The following FBLN2 variants were observed in gnomAD, a reference collection of about 807,000 sequenced individuals.
FBLN2 encodes fibulin 2, also known as fibulin-2.
Under a neutral mutation model 123.7 loss-of-function variants are expected in FBLN2, and 81 were observed. The ratio of observed to expected loss-of-function variants is 0.65; its 90% CI spans 0.55 to 0.79. The LOEUF (loss-of-function observed/expected upper bound fraction) is 0.79, where lower values mean the gene tolerates loss of function less well. Ranked by LOEUF, FBLN2 falls within the 30% of genes least tolerant of loss-of-function variation. FBLN2 has a pLI of 0.00. For missense variants in FBLN2, 1,603 were observed against 1,681.3 expected (o/e 0.95, Z 0.81); for synonymous variants, 699 against 701.4 (o/e 1.00, Z 0.05).
intron 2 of FBLN2, among the ~76,000 whole-genome samples, chr3:13,598,208 G>C (rs974623077): frequency 2.6e-5 from 4 of 152,220 alleles, no homozygotes; most frequent in African/African-American, 9.7e-5. Context: ...GTCACCAAGC[G>C]TCTTTTATGT....
chr3:13,618,415 C>T (rs951742447), intron 6 of FBLN2, 130 bp downstream of exon 6: 2 of 791,740 alleles, frequency 2.5e-6, no homozygotes, highest in East Asian at 2.7e-5. Flanking sequence ...CCCACAGAAG[C>T]CTGAAGCTTC....
rs140578266 is a variant in FBLN2, at chr3:13,612,266, T to G, written c.1549-1718T>G. 2.1e-3 allele frequency among the ~76,000 whole-genome samples: 317 copies of G among 150,682 alleles called. 1 individual carries two copies. The Middle Eastern group carries it at 0.024, about 12-fold the overall frequency. ...GTTCTCTTTTCTTTTCTTTTTTCTT[T>G]TATTTTCCTTTTCTTTTCTTTTATT... is the stretch of plus-strand genomic sequence containing the variant. On this transcript the variant is annotated intron_variant, in intron 4 of 17. Coordinates refer to ENST00000404922, the MANE Select transcript of FBLN2 (RefSeq NM_001004019.2).
At chr3:13,559,584 G>A (rs1462438531) in intron 1 of FBLN2, among the ~76,000 whole-genome samples, 4 of 152,190 alleles carry the variant, frequency 2.6e-5, no homozygotes, top group African/African-American at 9.7e-5. Flanking sequence ...GCTGATTGGA[G>A]CTCCAGCAGG....
At chr3:13,637,493 A>G in intron 17 of FBLN2, 69 bp from the exon 18 acceptor site, 1 of 1,402,684 alleles carries the variant, frequency 7.1e-7, no homozygotes, top group Non-Finnish European at 9.7e-7. Flanking sequence ...GAGCTGTGCC[A>G]TCTGTGTCCC....
intron 2 of FBLN2, among the ~76,000 whole-genome samples, chr3:13,603,210 C>T (rs1705094197): frequency 6.8e-6 from 1 of 148,074 alleles, no homozygotes; most frequent in African/African-American, 2.5e-5. Flanking sequence ...TACGCCTGGC[C>T]TCCTTTTTTC....
chr3:13,637,336 AT>A (rs1706511121), intron 17 of FBLN2, among the ~76,000 whole-genome samples: 2 of 152,232 alleles, frequency 1.3e-5, no homozygotes, highest in Admixed American at 6.5e-5. Context: ...GGCCAGTGCC[AT>A]GCTAAACTCA....
intron 15 of FBLN2, 91 bp from the exon 16 acceptor site, chr3:13,631,238 C>T: frequency 2.7e-6 from 4 of 1,488,522 alleles, no homozygotes; most frequent in Non-Finnish European, 3.6e-6. Context: ...GGCCCCTAAG[C>T]TCTATGGCTG....
chr3:13,576,201 A>G (rs1016412235), intron 2 of FBLN2, among the ~76,000 whole-genome samples: 37 of 152,322 alleles, frequency 2.4e-4, no homozygotes, highest in African/African-American at 8.7e-4. Context: ...ACAGGATCCA[A>G]GCTGGTTAAG....
At chr3:13,631,478 G>A (rs770062808) in intron 16 of FBLN2, 21 bp downstream of exon 16, 7 of 1,565,808 alleles carry the variant, frequency 4.5e-6, no homozygotes, top group African/African-American at 1.4e-5. Flanking sequence ...CCCCCCACAC[G>A]CCCCCGCCTC....
chr3:13,577,093 G>T lies in FBLN2; in HGVS notation c.1306+5432G>T, dbSNP rs1250846640. ...CAAAAATTAGCTGGGTGTGGTGGTA[G>T]GCACCTGTAATCCCAGCTACTCAGG... On this transcript the variant is annotated intron_variant, in intron 2 of 17. Transcript: ENST00000404922. Among the ~76,000 whole-genome samples, 6 of 151,906 alleles carry T rather than the reference G, an allele frequency of 3.9e-5. 1 individual carries two copies. The highest frequency in any genetic ancestry group is 8.8e-5 in the Non-Finnish European group (6 of 67,956).
At chr3:13,614,392 C>A (rs2124887069) in intron 5 of FBLN2, among the ~76,000 whole-genome samples, 1 of 152,232 alleles carries the variant, frequency 6.6e-6, no homozygotes, top group African/African-American at 2.4e-5. Flanking sequence ...ACCACCCTCC[C>A]CTCTCTTTGT....
intron 5 of FBLN2, among the ~76,000 whole-genome samples, chr3:13,617,644 CACCCACCCATCT>C: frequency 7.0e-6 from 1 of 143,442 alleles, no homozygotes; most frequent in Non-Finnish European, 1.5e-5. Flanking sequence ...CCCATTCATT[CACCCACCCATCT>C]ACCCACCCAT....
At chr3:13,569,819 G>A (rs903512217) in intron 1 of FBLN2, among the ~76,000 whole-genome samples, 2 of 137,590 alleles carry the variant, frequency 1.5e-5, no homozygotes, top group African/African-American at 2.5e-5. Context: ...GGGATTGGTC[G>A]GGTGTGTGCG....
At chr3:13,614,210 G>A (rs1705501415) in intron 5 of FBLN2, 46 bp downstream of exon 5, 2 of 1,576,826 alleles carry the variant, frequency 1.3e-6, no homozygotes, top group African/African-American at 1.3e-5. Context: ...GCGAAGGCTG[G>A]TTGACCTCTG....
intron 13 of FBLN2, 51 bp downstream of exon 13, chr3:13,629,343 G>A: frequency 6.5e-7 from 1 of 1,536,324 alleles, no homozygotes; most frequent in Non-Finnish European, 8.8e-7. Flanking sequence ...CTGGTCCCCT[G>A]CCCTCTGTGC....
intron 8 of FBLN2, among the ~76,000 whole-genome samples, chr3:13,620,635 C>G (rs990429592): frequency 6.6e-6 from 1 of 152,174 alleles, no homozygotes; most frequent in Admixed American, 6.5e-5. Flanking sequence ...TCTGAAGAAC[C>G]AAGCTGAGAG....
rs28602634 is a variant in FBLN2 at position 13,567,600 on chromosome 3, C to T, written c.-41-2715C>T. Among the ~76,000 whole-genome samples, 1,394 of 152,274 alleles carry T rather than the reference C, an allele frequency of 9.2e-3. 25 individuals carry two copies. Among genetic ancestry groups the T allele is most frequent in the African/African-American group, 0.031 (1,295 of 41,578 alleles). On this transcript the variant is annotated intron_variant, in intron 1 of 17. Coordinates refer to ENST00000404922, the MANE Select transcript of FBLN2 (RefSeq NM_001004019.2). ...CTCGAACTCCTGACCTCAAGTGATCCGCCTGTCTTGGCCTCCCAAAGTGCT... is the reference window on the plus strand; with the variant it reads ...CTCGAACTCCTGACCTCAAGTGATCTGCCTGTCTTGGCCTCCCAAAGTGCT...
At chr3:13,629,718 C>A in intron 13 of FBLN2, 102 bp from the exon 14 acceptor site, 1 of 1,447,604 alleles carries the variant, frequency 6.9e-7, no homozygotes, top group Non-Finnish European at 9.2e-7. Context: ...TTCTGGGTCC[C>A]TCTCCCACTT....
At chr3:13,617,990 A>T in intron 5 of FBLN2, 86 bp from the exon 6 acceptor site, 1 of 1,176,384 alleles carries the variant, frequency 8.5e-7, no homozygotes, top group African/African-American at 1.5e-5. Context: ...CTTGATGAGG[A>T]CCTGCACTAG....
Sources: gnomAD v4.1 joint callset for allele counts (sites outside exome capture counted in the v4.1 genomes callset) on GRCh38, gnomAD v4.1.1 for gene constraint, MANE v1.5 for transcripts, NCBI Gene and HGNC (gene_info 2026-07-23, HGNC 2026-07-21) for gene names.